Variants in ABCC8 observed in about 807,000 individuals in gnomAD.
ABCC8 encodes the protein ATP-binding cassette sub-family C member 8.
In ABCC8, 137 loss-of-function variants were observed where a neutral mutation model predicts 188.0. The observed-to-expected ratio is 0.73, with a 90% CI of 0.63 to 0.84. ABCC8 has a LOEUF of 0.84. Ranked by LOEUF, ABCC8 falls within the 40% of genes least tolerant of loss-of-function variation. ABCC8 has a pLI of 0.00. For missense variants in ABCC8, 1,750 were observed against 2,072.7 expected (o/e 0.84, Z 3.02); for synonymous variants, 797 against 846.5 (o/e 0.94, Z 1.01).
intron 23 of ABCC8, 89 bp downstream of exon 23, chr11:17,408,303 C>G (rs2133451986): frequency 1.5e-6 from 2 of 1,324,402 alleles, no homozygotes; most frequent in Non-Finnish European, 2.1e-6. Context: ...TCCTGGGGCA[C>G]TAAGGACAGG....
chr11:17,471,752 C>T (rs143908894), intron 2 of ABCC8, among the ~76,000 whole-genome samples: 151 of 152,352 alleles, frequency 9.9e-4, no homozygotes, highest in African/African-American at 3.5e-3. Flanking sequence ...CTGACACACA[C>T]ACACAGGATG....
At chr11:17,403,550 C>A (rs1463187937) in intron 28 of ABCC8, among the ~76,000 whole-genome samples, 1 of 152,180 alleles carries the variant, frequency 6.6e-6, no homozygotes, top group African/African-American at 2.4e-5. Context: ...AATGTTGATC[C>A]TTTGGGGCAG....
intron 23 of ABCC8, 28 bp downstream of exon 23, chr11:17,408,364 C>CCA: frequency 1.9e-6 from 3 of 1,605,070 alleles, no homozygotes; most frequent in Non-Finnish European, 1.7e-6. Context: ...CCAGGGGTGG[C>CCA]TGCTTGGCCA....
chr11:17,428,707 CA>C (rs1564925767), intron 12 of ABCC8, 37 bp from the exon 13 acceptor site: 3 of 1,607,594 alleles, frequency 1.9e-6, no homozygotes, highest in African/African-American at 1.3e-5. Context: ...TCACCCCTGC[CA>C]GGGGCAGAGG....
At chr11:17,425,835 T>A (rs769548097) in intron 16 of ABCC8, among the ~76,000 whole-genome samples, 4 of 151,722 alleles carry the variant, frequency 2.6e-5, no homozygotes, top group Non-Finnish European at 5.9e-5. Context: ...TCCCTCCCCT[T>A]GCCCCCCACC....
intron 20 of ABCC8, 29 bp from the exon 21 acceptor site, chr11:17,412,775 G>T (rs1214672158): frequency 6.3e-7 from 1 of 1,592,202 alleles, no homozygotes. Flanking sequence ...AACACATCAT[G>T]CCCTCAGCCA....
chr11:17,399,275 C>CAAAAAAA, intron 29 of ABCC8, among the ~76,000 whole-genome samples: 1 of 58,538 alleles, frequency 1.7e-5, no homozygotes, highest in Non-Finnish European at 2.8e-5. Context: ...GACTCTGCCT[C>CAAAAAAA]AAAAAAAAAA....
chr11:17,474,653 T>C (rs993767636), intron 2 of ABCC8, among the ~76,000 whole-genome samples: 31 of 152,210 alleles, frequency 2.0e-4, no homozygotes, highest in African/African-American at 7.2e-4. Flanking sequence ...TCACTGGGAC[T>C]TGGCATGCAG....
At chr11:17,426,104 T>C (rs969617431) in intron 16 of ABCC8, among the ~76,000 whole-genome samples, 2 of 152,204 alleles carry the variant, frequency 1.3e-5, no homozygotes, top group Non-Finnish European at 2.9e-5. Flanking sequence ...ATTTGGGTTG[T>C]TTCCAAGTCT....
At chr11:17,459,321 T>C (rs1019147567) in intron 6 of ABCC8, among the ~76,000 whole-genome samples, 1 of 152,220 alleles carries the variant, frequency 6.6e-6, no homozygotes, top group African/African-American at 2.4e-5. Context: ...CTGTTAATAT[T>C]GTTAATCATC....
rs887867900 is a variant in ABCC8 at position 17,427,486 on chromosome 11, C to T, written c.2117-332G>A. ...CTGGGTCCCACCTCCAACCCACCTC[C>T]ATACTTTGCTCATGGCTGCCTCTGC... On this transcript the variant is annotated intron_variant, in intron 15 of 38. Transcript: ENST00000389817. This position sits in a 1 kb window ranked among gnomAD's most constrained non-coding sequence, Gnocchi z 5.0. Among the ~76,000 whole-genome samples, 2 of 152,194 alleles carry T rather than the reference C, an allele frequency of 1.3e-5. No individual in the cohort carries two copies. The highest frequency in any genetic ancestry group is 4.8e-5 in the African/African-American group (2 of 41,444).
chr11:17,442,131 G>C (rs1956340760), intron 10 of ABCC8, among the ~76,000 whole-genome samples: 1 of 152,156 alleles, frequency 6.6e-6, no homozygotes, highest in Non-Finnish European at 1.5e-5. Context: ...TCAAGTATAT[G>C]GGACTCTAGG....
chr11:17,401,486 C>G (rs1250962841), intron 29 of ABCC8, among the ~76,000 whole-genome samples: 1 of 152,168 alleles, frequency 6.6e-6, no homozygotes, highest in East Asian at 1.9e-4. Context: ...GGATACCTCT[C>G]CAGGGCTGAA....
At position 17,416,912 on chromosome 11, in the gene ABCC8, C is replaced by A. The variant is rs544785355; in HGVS notation, c.2255+18G>T. ...CCCTTTGTTGAGACCCACTTCTGAC[C>A]CAGTCCCAAGGCTGTACCTGGGGTC... On this transcript the variant is annotated intron_variant, in intron 17 of 38. Coordinates refer to ENST00000389817, the MANE Select transcript of ABCC8 (RefSeq NM_000352.6). 1 of 1,613,952 alleles carries A rather than the reference C, an allele frequency of 6.2e-7. No homozygotes were observed. The highest frequency in any genetic ancestry group is 1.3e-5 in the African/African-American group (1 of 74,994).
At chr11:17,414,438 G>T in intron 19 of ABCC8, 74 bp downstream of exon 19, 1 of 1,579,828 alleles carries the variant, frequency 6.3e-7, no homozygotes, top group South Asian at 1.1e-5. Context: ...CGATGGAGGG[G>T]CCCGGAACTG....
Position 17,460,518 on chromosome 11 carries a change from A to C in ABCC8, c.981T>G (p.Leu327=). The part of the protein sequence containing the change: ...PLCIFGIVDH[L]GKENDVFQPK... ...GCTGGAAGACGTCGTTCTCCTTCCCAAGGTGGTCCACGATCCCAAAGATGC... is the reference window on the plus strand; with the variant it reads ...GCTGGAAGACGTCGTTCTCCTTCCCCAGGTGGTCCACGATCCCAAAGATGC... The change falls in exon 6 of 39, where the codon CTT becomes CTG. Residue 327 remains leucine (L), a synonymous_variant. Coordinates refer to ENST00000389817, the MANE Select transcript of ABCC8 (RefSeq NM_000352.6). The C allele has an allele frequency of 1.2e-6, 2 of 1,614,102 alleles. No homozygotes were observed. Among genetic ancestry groups the C allele is most frequent in the Non-Finnish European group, 1.7e-6 (2 of 1,180,020 alleles).
At chr11:17,431,268 C>T (rs578180553) in intron 11 of ABCC8, among the ~76,000 whole-genome samples, 1 of 152,008 alleles carries the variant, frequency 6.6e-6, no homozygotes, top group Non-Finnish European at 1.5e-5. Flanking sequence ...ACGGCCCCCT[C>T]TGCAGACAGC....
At chr11:17,392,746 T>C, downstream of ABCC8, 3 of 561,792 alleles carry the variant, frequency 5.3e-6, no homozygotes, top group Non-Finnish European at 9.6e-6. Context: ...GCAGCCTGGC[T>C]GACTAATAGA....
At chr11:17,476,218 C>A (rs1477566756) in intron 1 of ABCC8, among the ~76,000 whole-genome samples, 5 of 152,344 alleles carry the variant, frequency 3.3e-5, no homozygotes, top group Non-Finnish European at 7.3e-5. Flanking sequence ...TCCCTAGGCC[C>A]AGCTGCGGCT....
Sources: gnomAD v4.1 joint callset for allele counts (sites outside exome capture counted in the v4.1 genomes callset) on GRCh38, gnomAD v4.1.1 for gene constraint, Gnocchi (gnomAD v3.1) non-coding constraint, MANE v1.5 for transcripts, NCBI Gene and HGNC (gene_info 2026-07-23, HGNC 2026-07-21) for gene names.